Variants in STPG2 observed in about 807,000 individuals in gnomAD.
STPG2 encodes the protein sperm tail PG-rich repeat containing 2, also known as sperm-tail PG-rich repeat-containing protein 2.
In STPG2, 56 loss-of-function variants were observed where a neutral mutation model predicts 54.2. The ratio of observed to expected loss-of-function variants is 1.03; its 90% CI spans 0.83 to 1.29. The LOEUF is 1.29. Ranked by LOEUF, STPG2 falls within the 50% of genes most tolerant of loss-of-function variation. STPG2 has a pLI of 0.00. For synonymous variants in STPG2, 200 were observed against 181.8 expected (o/e 1.10, Z -0.81); for missense variants, 596 against 544.9 (o/e 1.09, Z -0.93).
At chr4:97,737,911 A>G (rs1206280903) in intron 9 of STPG2, among the ~76,000 whole-genome samples, 1 of 152,220 alleles carries the variant, frequency 6.6e-6, no homozygotes, top group Non-Finnish European at 1.5e-5. Context: ...CAAAATTGCC[A>G]GATTCACCAA....
chr4:97,981,523 A>ACCT (rs1734675306), intron 5 of STPG2, among the ~76,000 whole-genome samples: 1 of 152,148 alleles, frequency 6.6e-6, no homozygotes. Context: ...ATACTAATAT[A>ACCT]GTAATGTATT....
chr4:97,889,079 C>T (rs957271587), intron 8 of STPG2, among the ~76,000 whole-genome samples: 5 of 152,184 alleles, frequency 3.3e-5, no homozygotes, highest in Admixed American at 6.5e-5. Flanking sequence ...CCCATTAATA[C>T]TGTTTTCTTT....
At chr4:98,014,376 G>T (rs113606059) in intron 5 of STPG2, among the ~76,000 whole-genome samples, 1 of 152,054 alleles carries the variant, frequency 6.6e-6, no homozygotes, top group African/African-American at 2.4e-5. Flanking sequence ...CAGGTGGGCT[G>T]CGGCAACACA....
chr4:97,522,287 T>C (rs1166027798), intron 4 of STPG2, among the ~76,000 whole-genome samples: 1 of 151,984 alleles, frequency 6.6e-6, no homozygotes, highest in African/African-American at 2.4e-5. Flanking sequence ...GGCATTATCA[T>C]TAGAGTTTAC....
intron 7 of STPG2, among the ~76,000 whole-genome samples, chr4:97,952,650 A>T (rs572820718): frequency 2.0e-5 from 3 of 152,260 alleles, no homozygotes; most frequent in African/African-American, 7.2e-5. Context: ...AGCATCAGGT[A>T]CCAGCACCAT....
At chr4:97,575,041 A>C (rs1732689857) in intron 10 of STPG2, among the ~76,000 whole-genome samples, 1 of 152,054 alleles carries the variant, frequency 6.6e-6, no homozygotes, top group Admixed American at 6.6e-5. Context: ...ATTCAGAAAA[A>C]AAAATTAATT....
At chr4:98,050,951 G>A (rs2149313849) in intron 5 of STPG2, among the ~76,000 whole-genome samples, 1 of 151,838 alleles carries the variant, frequency 6.6e-6, no homozygotes, top group Non-Finnish European at 1.5e-5. Flanking sequence ...CTTGCAGTGA[G>A]CCGAGATCGT....
At chr4:98,029,621 A>G (rs1236986327) in intron 5 of STPG2, among the ~76,000 whole-genome samples, 1 of 152,148 alleles carries the variant, frequency 6.6e-6, no homozygotes, top group East Asian at 1.9e-4. Context: ...TTTATATTTT[A>G]TATTAGTTAT....
chr4:97,740,310 G>C (rs1167069459), intron 9 of STPG2, among the ~76,000 whole-genome samples: 1 of 152,100 alleles, frequency 6.6e-6, no homozygotes, highest in Admixed American at 6.6e-5. Flanking sequence ...GCACAAGACA[G>C]GGATGCCCCC....
At chr4:97,508,265 G>T (rs1207620802) in intron 4 of STPG2, among the ~76,000 whole-genome samples, 1 of 151,734 alleles carries the variant, frequency 6.6e-6, no homozygotes, top group African/African-American at 2.4e-5. Context: ...ATACTGAATT[G>T]GTCTATTTAA....
chr4:97,708,637 C>T (rs1724022584), intron 10 of STPG2, among the ~76,000 whole-genome samples: 1 of 151,796 alleles, frequency 6.6e-6, no homozygotes. Flanking sequence ...AGATCTCTTG[C>T]TATACTCCCA....
intron 8 of STPG2, among the ~76,000 whole-genome samples, chr4:97,847,793 T>C (rs1049593301): frequency 6.6e-6 from 1 of 151,300 alleles, no homozygotes; most frequent in Admixed American, 6.6e-5. Flanking sequence ...AATTCTTTAT[T>C]TAGCCAAGCC....
At chr4:97,924,435 A>G (rs993162100) in intron 8 of STPG2, among the ~76,000 whole-genome samples, 3 of 152,208 alleles carry the variant, frequency 2.0e-5, no homozygotes, top group African/African-American at 7.2e-5. Context: ...ATTAGTACAT[A>G]GTTTTGTATA....
chr4:98,100,632 A>G (rs1320222756), intron 5 of STPG2, among the ~76,000 whole-genome samples: 2 of 145,282 alleles, frequency 1.4e-5, no homozygotes, highest in African/African-American at 2.5e-5. Flanking sequence ...AAATTTACCA[A>G]CCTTCCCAAG....
intron 9 of STPG2, among the ~76,000 whole-genome samples, chr4:97,829,824 G>GA (rs1004291027): frequency 2.0e-5 from 3 of 151,728 alleles, no homozygotes; most frequent in Admixed American, 6.6e-5. Flanking sequence ...GAAAATGAGA[G>GA]AAAAAAATGA....
chr4:97,645,305 GA>G (rs796384753), intron 10 of STPG2, among the ~76,000 whole-genome samples: 1,594 of 136,540 alleles, frequency 0.012, 8 homozygotes, highest in Middle Eastern at 0.015. Flanking sequence ...GTATCTTGCT[GA>G]AAAAAAAAAA....
chr4:97,811,350 T>A (rs958638639), intron 9 of STPG2, among the ~76,000 whole-genome samples: 4 of 152,162 alleles, frequency 2.6e-5, no homozygotes, highest in Non-Finnish European at 5.9e-5. Context: ...TATCTACACA[T>A]GTGTTGAATA....
intron 8 of STPG2, among the ~76,000 whole-genome samples, chr4:97,865,380 A>G (rs1330235107): frequency 6.6e-6 from 1 of 152,246 alleles, no homozygotes. Context: ...ATGCAAATCA[A>G]TACCACAATA....
chr4:97,851,927 CA>C (rs1439714587), intron 8 of STPG2, among the ~76,000 whole-genome samples: 3 of 152,162 alleles, frequency 2.0e-5, no homozygotes, highest in Admixed American at 6.5e-5. Context: ...GCTACTGAGG[CA>C]GAGAATAAGC....
Sources: gnomAD v4.1 joint callset for allele counts (sites outside exome capture counted in the v4.1 genomes callset) on GRCh38, gnomAD v4.1.1 for gene constraint, MANE v1.5 for transcripts, NCBI Gene and HGNC (gene_info 2026-07-23, HGNC 2026-07-21) for gene names.